Variants in ROBO2 observed in about 807,000 individuals in gnomAD.
ROBO2 encodes the protein roundabout guidance receptor 2.
Under a neutral mutation model 160.8 loss-of-function variants are expected in ROBO2, and 53 were observed. The observed-to-expected ratio is 0.33, with a 90% CI of 0.26 to 0.41. ROBO2 has a LOEUF of 0.41. ROBO2 is among the 10% of genes least tolerant of loss of function. ROBO2 has a pLI of 1.00. For missense variants in ROBO2, 1,577 were observed against 1,722.4 expected (o/e 0.92, Z 1.49); for synonymous variants, 664 against 611.7 (o/e 1.09, Z -1.26).
At chr3:77,570,340 C>T (rs533763172) in intron 13 of ROBO2, among the ~76,000 whole-genome samples, 2 of 151,844 alleles carry the variant, frequency 1.3e-5, no homozygotes, top group East Asian at 1.9e-4. Context: ...AGGAGGGGGA[C>T]GTTGTCTATT....
chr3:76,100,946 C>T (rs1024770370), intron 2 of ROBO2, among the ~76,000 whole-genome samples: 2 of 151,934 alleles, frequency 1.3e-5, no homozygotes, highest in Non-Finnish European at 2.9e-5. Flanking sequence ...GGTCGTGGCT[C>T]ACTGAATTTA....
rs187594642 is a variant in ROBO2 at position 76,740,399 on chromosome 3, G to A, written c.110-357615G>A. Among the ~76,000 whole-genome samples the A allele has an allele frequency of 5.9e-5, 9 of 152,252 alleles. No individual in the cohort carries two copies. In the East Asian group the frequency reaches 1.7e-3, roughly 29 times the overall value. ...TATTCTGTGTGGAATGTATTGAGAT[G>A]TATACTATTGGCTTATTCTTTAGAA... On this transcript the variant is annotated intron_variant, in intron 2 of 26. Coordinates refer to the ROBO2 transcript ENST00000487694.
At chr3:76,222,955 G>A (rs747622354) in intron 2 of ROBO2, among the ~76,000 whole-genome samples, 8 of 151,718 alleles carry the variant, frequency 5.3e-5, no homozygotes, top group South Asian at 4.2e-4. Context: ...GAGTTTCACC[G>A]TATTAGTCAG....
intron 2 of ROBO2, among the ~76,000 whole-genome samples, chr3:76,248,023 A>G (rs9713737): frequency 0.68 from 103,363 of 151,368 alleles, 38,781 homozygotes; most frequent in Non-Finnish European, 0.86. Flanking sequence ...AGAAACAGGA[A>G]CACTTTTACA....
intron 2 of ROBO2, among the ~76,000 whole-genome samples, chr3:76,871,802 A>G (rs1296413397): frequency 1.3e-5 from 2 of 152,156 alleles, no homozygotes; most frequent in Non-Finnish European, 2.9e-5. Context: ...ACAACAGTAG[A>G]AAGAGTCTTG....
intron 24 of ROBO2, among the ~76,000 whole-genome samples, chr3:77,643,497 T>C (rs372546441): frequency 8.5e-5 from 13 of 152,338 alleles, no homozygotes; most frequent in East Asian, 3.9e-4. Context: ...TGGGAAATGC[T>C]CTTTTTTATA....
chr3:77,249,491 C>T (rs894608566), intron 2 of ROBO2, among the ~76,000 whole-genome samples: 7 of 152,150 alleles, frequency 4.6e-5, no homozygotes, highest in Non-Finnish European at 8.8e-5. Flanking sequence ...TAGCATCTCA[C>T]GGCACCTTTA....
intron 2 of ROBO2, among the ~76,000 whole-genome samples, chr3:77,188,949 T>TTGTGTGTGTGTGTTGTGTG (rs1553828867): frequency 1.4e-5 from 2 of 142,908 alleles, no homozygotes; most frequent in Non-Finnish European, 3.1e-5. Context: ...TTTTGTAATC[T>TTGTGTGTGTGTGTTGTGTG]TGTGTGTGTG....
intron 2 of ROBO2, among the ~76,000 whole-genome samples, chr3:76,706,776 G>C (rs1192679108): frequency 2.0e-5 from 3 of 151,902 alleles, no homozygotes; most frequent in African/African-American, 4.8e-5. Flanking sequence ...TTAGTTAAGT[G>C]TTTGCAACAT....
chr3:75,931,047 A>G (rs9818569), intron 1 of ROBO2, among the ~76,000 whole-genome samples: 19,719 of 152,190 alleles, frequency 0.13, 4,168 homozygotes, highest in African/African-American at 0.44. Flanking sequence ...CATCATTGCT[A>G]ATGAAGACCT....
chr3:76,411,859 G>A (rs1197370547), intron 2 of ROBO2, among the ~76,000 whole-genome samples: 3 of 152,156 alleles, frequency 2.0e-5, no homozygotes, highest in Non-Finnish European at 2.9e-5. Context: ...GGTTATCAAG[G>A]CCATGCAACT....
chr3:77,015,233 C>T (rs926846081), intron 2 of ROBO2, among the ~76,000 whole-genome samples: 7 of 152,268 alleles, frequency 4.6e-5, no homozygotes, highest in African/African-American at 1.4e-4. Context: ...CTAAAGCAAA[C>T]TCTCTTTTCT....
intron 2 of ROBO2, among the ~76,000 whole-genome samples, chr3:76,780,208 T>G (rs906700544): frequency 1.3e-5 from 2 of 148,454 alleles, no homozygotes; most frequent in East Asian, 3.9e-4. Flanking sequence ...TGTTTGTTTG[T>G]TTTTTTTTTG....
At chr3:77,109,568 G>C (rs1193960001) in intron 2 of ROBO2, among the ~76,000 whole-genome samples, 1 of 152,210 alleles carries the variant, frequency 6.6e-6, no homozygotes, top group Non-Finnish European at 1.5e-5. Context: ...CTCTGCAAGA[G>C]AATGTGGAAC....
chr3:77,148,776 G>A (rs545540209), intron 2 of ROBO2, among the ~76,000 whole-genome samples: 9 of 152,118 alleles, frequency 5.9e-5, no homozygotes, highest in African/African-American at 9.7e-5. Context: ...TATAGTTATG[G>A]TTAACAAAAT....
At position 77,634,856 on chromosome 3, in the gene ROBO2, T is replaced by C; in HGVS notation, c.3761-14T>C. ...GTCATTCTCTAGAACCCATTCCCTT[T>C]ATTTTCATTTTAGGAAAAGCCTTTA... On this transcript the variant is annotated splice_polypyrimidine_tract_variant and intron_variant, in intron 23 of 25. Transcript: ENST00000461745. 6.2e-7 allele frequency: 1 copy of C among 1,613,644 alleles called. No homozygotes were observed. Among genetic ancestry groups the C allele is most frequent in the Non-Finnish European group, 8.5e-7 (1 of 1,179,604 alleles).
intron 25 of ROBO2, among the ~76,000 whole-genome samples, 171 bp from the exon 28 acceptor site, chr3:77,645,883 C>A (rs9818386): frequency 6.6e-6 from 1 of 151,812 alleles, no homozygotes; most frequent in Non-Finnish European, 1.5e-5. Flanking sequence ...TGTTTTCTTT[C>A]CTTTTACTCT....
chr3:75,993,577 T>C (rs1218343949), intron 2 of ROBO2, among the ~76,000 whole-genome samples: 1 of 152,210 alleles, frequency 6.6e-6, no homozygotes, highest in African/African-American at 2.4e-5. Flanking sequence ...ACTAGTCCCT[T>C]AACTATCTAA....
chr3:76,417,913 A>G (rs1451475744), intron 2 of ROBO2, among the ~76,000 whole-genome samples: 2 of 152,186 alleles, frequency 1.3e-5, no homozygotes, highest in South Asian at 2.1e-4. Context: ...TTGATGCAAA[A>G]GTAACTGTGT....
Sources: gnomAD v4.1 joint callset for allele counts (sites outside exome capture counted in the v4.1 genomes callset) on GRCh38, gnomAD v4.1.1 for gene constraint, MANE v1.5 for transcripts, NCBI Gene and HGNC (gene_info 2026-07-23, HGNC 2026-07-21) for gene names.